Variants in OR13J1 observed in about 807,000 individuals in gnomAD.
OR13J1 encodes the protein olfactory receptor 13J1.
In OR13J1, 6 loss-of-function variants were observed where a neutral mutation model predicts 6.4. That is an observed-to-expected ratio of 0.93 (90% CI 0.51 to 1.84). The LOEUF is 1.84. Among genes scored for constraint, OR13J1 ranks in the 40% most tolerant of loss-of-function variants. The pLI, the probability that OR13J1 is intolerant of heterozygous loss-of-function variation, is 0.01. For missense variants in OR13J1, 382 were observed against 395.6 expected (o/e 0.97, Z 0.29); for synonymous variants, 175 against 182.4 (o/e 0.96, Z 0.33).
Position 35,870,129 on chromosome 9 carries a change from G to T in OR13J1, c.273C>A (p.Thr91=), listed in dbSNP as rs1462277416. The T allele has an allele frequency of 1.9e-6, 3 of 1,614,096 alleles. No homozygotes were observed. The African/African-American group carries it at 4.0e-5, about 22-fold the overall frequency. ...MLVHLLSSRK[T]ISFAVCAIQM... ...GGATGGCACAGACAGCAAAGGAGAT[G>T]GTCTTCCGGGATGACAGGAGGTGGA... Residue 91 remains threonine, a synonymous_variant, in exon 1 of 1, where the codon ACC becomes ACA. Transcript: ENST00000377981.
In OR13J1 at chr9:35,869,892, GC is replaced by G. The variant is rs1832776932; in HGVS notation, c.509del (p.Gly170AlafsTer16). ...MVISMRLPFC[G>X]HHVVSHFTCK... Reference sequence around the variant, plus strand: ...AGGTGAAGTGACTGACCACGTGGTGGCCACAGAAGGGCAGCCTCATGGAGAT... The same window carrying G: ...AGGTGAAGTGACTGACCACGTGGTGGCACAGAAGGGCAGCCTCATGGAGAT... On this transcript the variant is annotated frameshift_variant, in exon 1 of 1. Coordinates refer to ENST00000377981, the MANE Select transcript of OR13J1 (RefSeq NM_001004487.1). LOFTEE classifies it high-confidence loss of function. The G allele has an allele frequency of 6.2e-7, 1 of 1,614,094 alleles. No homozygotes were observed. The highest frequency in any genetic ancestry group is 8.5e-7 in the Non-Finnish European group (1 of 1,180,048).
chr9:35,870,227 C>G lies in OR13J1; in HGVS notation c.175G>C (p.Val59Leu). 6.2e-7 allele frequency: 1 copy of G among 1,614,132 alleles called. No homozygotes were observed. The highest frequency in any genetic ancestry group is 8.5e-7 in the Non-Finnish European group (1 of 1,179,996). ...SVLDIHLHTP[V>L]YFFLGNLSTL... Reference sequence around the variant, plus strand: ...GAGAGGTTGCCCAGGAAGAAGTACACGGGCGTGTGCAGGTGGATATCTAGC... The same window carrying G: ...GAGAGGTTGCCCAGGAAGAAGTACAGGGGCGTGTGCAGGTGGATATCTAGC... The change falls in exon 1 of 1, where the codon GTG (valine) becomes CTG (leucine). Residue 59 changes from valine to leucine, a missense_variant. Physicochemically the swap from Val to Leu is conservative, Grantham distance 32 (BLOSUM62 1). Transcript: ENST00000377981.
At position 35,870,339 on chromosome 9, in the gene OR13J1, T is replaced by G. The variant is rs1832783222; in HGVS notation, c.63A>C (p.Pro21=). Residue 21 remains proline, a synonymous_variant, in exon 1 of 1, where the codon CCA becomes CCC. Transcript: ENST00000377981. ...GAGGGAAGAGCAGATGCTCCAGGGC[T>G]GGGTAGCCAGAAAATCCTTTCAGAA... The part of the protein sequence containing the change: ...EFFLKGFSGY[P]ALEHLLFPLC... 4 of 1,611,294 alleles carry G rather than the reference T, an allele frequency of 2.5e-6. No homozygotes were observed. The highest frequency in any genetic ancestry group is 1.7e-5 in the Admixed American group (1 of 59,922).
chr9:35,869,730 G>A lies in OR13J1; in HGVS notation c.672C>T (p.Thr224=). Residue 224 remains threonine (T), a synonymous_variant, in exon 1 of 1, where the codon ACC becomes ACT. Coordinates refer to ENST00000377981, the MANE Select transcript of OR13J1 (RefSeq NM_001004487.1). ...ICLSYLLILA[T]ILRVPSAARC... ...TGGCGGCCGAGGGCACCCTCAGGATGGTGGCCAGGATGAGCAAGTAGGACA... is the reference window on the plus strand; with the variant it reads ...TGGCGGCCGAGGGCACCCTCAGGATAGTGGCCAGGATGAGCAAGTAGGACA... The A allele has an allele frequency of 6.2e-7, 1 of 1,613,522 alleles. No individual in the cohort carries two copies. The highest frequency in any genetic ancestry group is 8.5e-7 in the Non-Finnish European group (1 of 1,180,034).
chr9:35,870,285 G>A lies in OR13J1; in HGVS notation c.117C>T (p.Leu39=). 6.2e-7 allele frequency: 1 copy of A among 1,614,086 alleles called. No homozygotes were observed. The highest frequency in any genetic ancestry group is 8.5e-7 in the Non-Finnish European group (1 of 1,180,004). ...PLCSAMYLVT[L]LGNTAIMAVS... Reference sequence around the variant, plus strand: ...CCGCCATGATGGCTGTGTTCCCCAGGAGGGTCACCAGGTACATGGCTGAGC... The same window carrying A: ...CCGCCATGATGGCTGTGTTCCCCAGAAGGGTCACCAGGTACATGGCTGAGC... Residue 39 remains leucine, a synonymous_variant, in exon 1 of 1, where the codon CTC becomes CTT. Coordinates refer to ENST00000377981, the MANE Select transcript of OR13J1 (RefSeq NM_001004487.1).
At position 35,870,023 on chromosome 9, in the gene OR13J1, A is replaced by C; in HGVS notation, c.379T>G (p.Cys127Gly). 6.2e-7 allele frequency: 1 copy of C among 1,614,216 alleles called. No individual in the cohort carries two copies. The highest frequency in any genetic ancestry group is 8.5e-7 in the Non-Finnish European group (1 of 1,180,018). Residue 127 changes from cysteine (C) to glycine (G), a missense_variant, in exon 1 of 1, where the codon TGC becomes GGC. Transcript: ENST00000377981. ...ITAYDRYLAI[C>G]QPLRYHVLMS... ...AGCACGTGGTACCTGAGTGGCTGGC[A>C]GATGGCCAGGTAGCGGTCATAGGCC...
chr9:35,870,390 G>T lies in OR13J1; in HGVS notation c.12C>A (p.Leu4=). Residue 4 remains leucine (L), a synonymous_variant, in exon 1 of 1, where the codon CTC becomes CTA. Transcript: ENST00000377981. MEP[L]NRTEVSEFFL... ...AGAACTCGGACACCTCTGTTCTGTT[G>T]AGCGGCTCCATGCTGCAGAGTTCTG... 6.3e-7 allele frequency: 1 copy of T among 1,593,404 alleles called. No homozygotes were observed. The highest frequency in any genetic ancestry group is 1.1e-5 in the South Asian group (1 of 88,438).
At position 35,869,656 on chromosome 9, in the gene OR13J1, A is replaced by G; in HGVS notation, c.746T>C (p.Leu249Pro). 1 of 1,614,050 alleles carries G rather than the reference A, an allele frequency of 6.2e-7. No individual in the cohort carries two copies. The highest frequency in any genetic ancestry group is 8.5e-7 in the Non-Finnish European group (1 of 1,180,020). ...STCLAHLAVV[L>P]LFYGTIIFMY... ...GAAGATGATGGTGCCGTAGAAAAGC[A>G]GCACTACAGCCAGGTGTGCCAAGCA... Residue 249 changes from leucine (L) to proline (P), a missense_variant, in exon 1 of 1, where the codon CTG (leucine) becomes CCG (proline). Physicochemically the swap from Leu to Pro is moderately conservative, Grantham distance 98. Coordinates refer to ENST00000377981, the MANE Select transcript of OR13J1 (RefSeq NM_001004487.1).
chr9:35,870,299 A>G lies in OR13J1; in HGVS notation c.103T>C (p.Tyr35His), dbSNP rs1832782861. 3.1e-6 allele frequency: 5 copies of G among 1,614,076 alleles called. No individual in the cohort carries two copies. In the African/African-American group the frequency reaches 5.3e-5, roughly 17 times the overall value. ...GTGTTCCCCAGGAGGGTCACCAGGT[A>G]CATGGCTGAGCACAGAGGGAAGAGC... ...HLLFPLCSAMYLVTLLGNTAI... is the reference protein window; with the variant it reads ...HLLFPLCSAMHLVTLLGNTAI... The change falls in exon 1 of 1, where the codon TAC becomes CAC. Residue 35 changes from tyrosine to histidine, a missense_variant. Transcript: ENST00000377981.
rs547237232 is a variant in OR13J1 at position 35,870,049 on chromosome 9, G to A, written c.353C>T (p.Thr118Met). 100 of 1,614,220 alleles carry A rather than the reference G, an allele frequency of 6.2e-5. 1 individual carries two copies. The South Asian group carries it at 7.6e-4, about 12-fold the overall frequency. The stretch of plus-strand genomic sequence containing the variant: ...GATGGCCAGGTAGCGGTCATAGGCC[G>A]TGATGGCCAGTAGCAGGCACTCCGT... ...GSTECLLLAI[T>M]AYDRYLAICQ... Residue 118 changes from threonine to methionine, a missense_variant, in exon 1 of 1, where the codon ACG (threonine) becomes ATG (methionine). Transcript: ENST00000377981.
In OR13J1 at chr9:35,870,056, C is replaced by T. The variant is rs762850496; in HGVS notation, c.346G>A (p.Ala116Thr). The change falls in exon 1 of 1, where the codon GCC (alanine) becomes ACC (threonine). Residue 116 changes from alanine to threonine, a missense_variant. Transcript: ENST00000377981. ...AGGTAGCGGTCATAGGCCGTGATGG[C>T]CAGTAGCAGGCACTCCGTGGAGCCC... ...STGSTECLLL[A>T]ITAYDRYLAI... is the part of the protein sequence containing the mutation. 1.2e-6 allele frequency: 2 copies of T among 1,614,174 alleles called. No individual in the cohort carries two copies. The highest frequency in any genetic ancestry group is 1.7e-6 in the Non-Finnish European group (2 of 1,180,014).
Position 35,870,342 on chromosome 9 carries a change from G to A in OR13J1, c.60C>T (p.Tyr20=), listed in dbSNP as rs764999282. The A allele has an allele frequency of 6.2e-7, 1 of 1,611,322 alleles. No individual in the cohort carries two copies. Among genetic ancestry groups the A allele is most frequent in the South Asian group, 1.1e-5 (1 of 91,004 alleles). ...SEFFLKGFSG[Y]PALEHLLFPL... ...GGAAGAGCAGATGCTCCAGGGCTGG[G>A]TAGCCAGAAAATCCTTTCAGAAAGA... Residue 20 remains tyrosine, a synonymous_variant, in exon 1 of 1, where the codon TAC becomes TAT. Coordinates refer to ENST00000377981, the MANE Select transcript of OR13J1 (RefSeq NM_001004487.1).
At position 35,869,901 on chromosome 9, in the gene OR13J1, G is replaced by T; in HGVS notation, c.501C>A (p.Pro167=). 6.2e-7 allele frequency: 1 copy of T among 1,614,200 alleles called. No individual in the cohort carries two copies. Among genetic ancestry groups the T allele is most frequent in the Admixed American group, 1.7e-5 (1 of 60,032 alleles). The part of the protein sequence containing the change: ...VTEMVISMRL[P]FCGHHVVSHF... ...GACTGACCACGTGGTGGCCACAGAAGGGCAGCCTCATGGAGATGACCATCT... is the reference window on the plus strand; with the variant it reads ...GACTGACCACGTGGTGGCCACAGAATGGCAGCCTCATGGAGATGACCATCT... Residue 167 remains proline, a synonymous_variant, in exon 1 of 1, where the codon CCC becomes CCA. Coordinates refer to ENST00000377981, the MANE Select transcript of OR13J1 (RefSeq NM_001004487.1).
In OR13J1 at chr9:35,869,630, T is replaced by A. The variant is rs1832772659; in HGVS notation, c.772A>T (p.Met258Leu). Residue 258 changes from methionine (M) to leucine (L), a missense_variant, in exon 1 of 1, where the codon ATG becomes TTG. Coordinates refer to ENST00000377981, the MANE Select transcript of OR13J1 (RefSeq NM_001004487.1). ...TCCTTACTCTTGGGCTTCAAGTACA[T>A]GAAGATGATGGTGCCGTAGAAAAGC... ...VLLFYGTIIF[M>L]YLKPKSKEAH... The A allele has an allele frequency of 6.2e-7, 1 of 1,613,834 alleles. No homozygotes were observed. Among genetic ancestry groups the A allele is most frequent in the Admixed American group, 1.7e-5 (1 of 60,002 alleles).
chr9:35,869,763 G>T lies in OR13J1; in HGVS notation c.639C>A (p.Phe213Leu). The change falls in exon 1 of 1, where the codon TTC becomes TTA. Residue 213 changes from phenylalanine (F) to leucine (L), a missense_variant. By Grantham distance (22) the Phe-to-Leu change is conservative. Transcript: ENST00000377981. ...GGATGAGCAAGTAGGACAGGCAGAT[G>T]AATGCCAGGGGTACAGGCAGCAGCA... ...SILLLPVPLA[F>L]ICLSYLLILA... The T allele has an allele frequency of 6.2e-7, 1 of 1,613,764 alleles. No individual in the cohort carries two copies.
In OR13J1 at chr9:35,869,610, A is replaced by G; in HGVS notation, c.792T>C (p.Ser264=). Residue 264 remains serine, a synonymous_variant, in exon 1 of 1, where the codon AGT becomes AGC. Coordinates refer to ENST00000377981, the MANE Select transcript of OR13J1 (RefSeq NM_001004487.1). ...CCTCATCAGAGATGTGGGCTTCCTT[A>G]CTCTTGGGCTTCAAGTACATGAAGA... ...TIIFMYLKPK[S]KEAHISDEVF... 6.2e-7 allele frequency: 1 copy of G among 1,613,874 alleles called. No homozygotes were observed. Among genetic ancestry groups the G allele is most frequent in the Non-Finnish European group, 8.5e-7 (1 of 1,179,948 alleles).
chr9:35,870,345 G>A lies in OR13J1; in HGVS notation c.57C>T (p.Gly19=), dbSNP rs375093972. The part of the protein sequence containing the change: ...VSEFFLKGFS[G]YPALEHLLFP... ...AGAGCAGATGCTCCAGGGCTGGGTA[G>A]CCAGAAAATCCTTTCAGAAAGAACT... is the stretch of plus-strand genomic sequence containing the variant. The change falls in exon 1 of 1, where the codon GGC becomes GGT. Residue 19 remains glycine, a synonymous_variant. Transcript: ENST00000377981. 46 of 1,610,948 alleles carry A rather than the reference G, an allele frequency of 2.9e-5. No individual in the cohort carries two copies. The highest frequency in any genetic ancestry group is 3.5e-5 in the Non-Finnish European group (41 of 1,177,616).
Position 35,869,476 on chromosome 9 carries a change from C to G in OR13J1, c.926G>C (p.Arg309Pro). 9.9e-6 allele frequency: 16 copies of G among 1,612,342 alleles called. No individual in the cohort carries two copies. The highest frequency in any genetic ancestry group is 1.4e-5 in the Non-Finnish European group (16 of 1,179,480). Residue 309 changes from arginine to proline, a missense_variant, in exon 1 of 1, where the codon CGG (arginine) becomes CCG (proline). By Grantham distance (103) the Arg-to-Pro change is moderately radical. Coordinates refer to ENST00000377981, the MANE Select transcript of OR13J1 (RefSeq NM_001004487.1). ...EAARKVWGRS[R>P]ASR ...CCCCGCCCTCCCTCACCTGGAGGCC[C>G]GACTCCTGCCCCACACCTTCCTGGC...
In OR13J1 at chr9:35,869,529, G is replaced by T. The variant is rs1182349336; in HGVS notation, c.873C>A (p.Ser291Arg). 6.2e-7 allele frequency: 1 copy of T among 1,613,958 alleles called. No individual in the cohort carries two copies. The highest frequency in any genetic ancestry group is 1.7e-5 in the Admixed American group (1 of 59,996). ...VTTMLNPTIYSLRNKEVKEAA... is the reference protein window; with the variant it reads ...VTTMLNPTIYRLRNKEVKEAA... Reference sequence around the variant, plus strand: ...CCTCCTTCACCTCCTTGTTCCTCAGGCTGTAGATGGTGGGGTTCAGCATGG... The same window carrying T: ...CCTCCTTCACCTCCTTGTTCCTCAGTCTGTAGATGGTGGGGTTCAGCATGG... Residue 291 changes from serine (S) to arginine (R), a missense_variant, in exon 1 of 1, where the codon AGC (serine) becomes AGA (arginine). Transcript: ENST00000377981.
Sources: allele counts gnomAD v4.1 joint callset, GRCh38; gene constraint gnomAD v4.1.1; transcripts MANE v1.5; gene names NCBI Gene and HGNC (gene_info 2026-07-23, HGNC 2026-07-21).